HS3ST4: variants seen among roughly 807,000 people sequenced by gnomAD.
HS3ST4 encodes heparan sulfate glucosamine 3-O-sulfotransferase 4.
A neutral mutation model predicts 29.2 loss-of-function variants in HS3ST4; 17 were observed. The ratio of observed to expected loss-of-function variants is 0.58; its 90% CI spans 0.40 to 0.87. The LOEUF is 0.87. Ranked by LOEUF, HS3ST4 falls within the 40% of genes least tolerant of loss-of-function variation. The pLI is 0.00. For synonymous variants in HS3ST4, 314 were observed against 285.7 expected (o/e 1.10, Z -1.00); for missense variants, 627 against 634.5 (o/e 0.99, Z 0.13).
intron 1 of HS3ST4, among the ~76,000 whole-genome samples, chr16:26,110,995 T>G (rs1006762046): frequency 6.6e-6 from 1 of 152,046 alleles, no homozygotes; most frequent in Non-Finnish European, 1.5e-5. Flanking sequence ...CTTGTAAGGG[T>G]GTGTGTGTGT....
intron 1 of HS3ST4, among the ~76,000 whole-genome samples, chr16:26,054,462 T>C (rs1044873781): frequency 6.6e-6 from 1 of 152,356 alleles, no homozygotes; most frequent in Admixed American, 6.5e-5. Flanking sequence ...CTGTTTCCCA[T>C]GAATCCTTGT....
intron 1 of HS3ST4, among the ~76,000 whole-genome samples, chr16:25,900,767 G>A (rs191385680): frequency 8.6e-5 from 13 of 151,984 alleles, no homozygotes; most frequent in African/African-American, 1.9e-4. Context: ...CCAAACTCCC[G>A]GCACTGTAAC....
intron 1 of HS3ST4, among the ~76,000 whole-genome samples, chr16:26,091,279 C>T (rs1000164723): frequency 6.6e-6 from 1 of 152,120 alleles, no homozygotes; most frequent in African/African-American, 2.4e-5. Context: ...GGCTCTATAA[C>T]TTTAATGCAT....
chr16:26,036,002 G>A (rs1456012338), intron 1 of HS3ST4, among the ~76,000 whole-genome samples: 1 of 152,196 alleles, frequency 6.6e-6, no homozygotes, highest in Non-Finnish European at 1.5e-5. Flanking sequence ...GACAGCAGGT[G>A]TTCACTGAAA....
At chr16:26,097,646 G>A (rs1323469250) in intron 1 of HS3ST4, among the ~76,000 whole-genome samples, 1 of 152,146 alleles carries the variant, frequency 6.6e-6, no homozygotes, top group Non-Finnish European at 1.5e-5. Context: ...GCAAGCCTAG[G>A]CAATACCATT....
At chr16:26,093,588 C>T (rs1403399847) in intron 1 of HS3ST4, among the ~76,000 whole-genome samples, 1 of 152,134 alleles carries the variant, frequency 6.6e-6, no homozygotes, top group African/African-American at 2.4e-5. Context: ...AGGACATCAA[C>T]ACCAAAACCC....
chr16:26,001,274 A>G (rs1181054009), intron 1 of HS3ST4, among the ~76,000 whole-genome samples: 1 of 152,180 alleles, frequency 6.6e-6, no homozygotes, highest in African/African-American at 2.4e-5. Flanking sequence ...TTTCGGGGTA[A>G]AAGGTCATGA....
At chr16:26,044,003 T>G (rs1898235934) in intron 1 of HS3ST4, among the ~76,000 whole-genome samples, 1 of 152,188 alleles carries the variant, frequency 6.6e-6, no homozygotes, top group South Asian at 2.1e-4. Context: ...TAGCCATATT[T>G]TGCAGCATAG....
At chr16:25,802,436 C>T (rs1297551013) in intron 1 of HS3ST4, among the ~76,000 whole-genome samples, 3 of 151,916 alleles carry the variant, frequency 2.0e-5, no homozygotes, top group Non-Finnish European at 4.4e-5. Flanking sequence ...TGTTGATCTA[C>T]CTCTGTTATG....
At chr16:25,845,463 C>G (rs1013109396) in intron 1 of HS3ST4, among the ~76,000 whole-genome samples, 1 of 152,028 alleles carries the variant, frequency 6.6e-6, no homozygotes, top group Non-Finnish European at 1.5e-5. Context: ...GAGCTGAGAT[C>G]GTGCCACTGC....
Position 25,738,220 on chromosome 16 carries a change from A to C in HS3ST4, c.734+45069A>C, listed in dbSNP as rs532777612. Among the ~76,000 whole-genome samples, 37 of 152,210 alleles carry C rather than the reference A, an allele frequency of 2.4e-4. No homozygotes were observed. The South Asian group carries it at 7.0e-3, about 29-fold the overall frequency. On this transcript the variant is annotated intron_variant, in intron 1 of 1. Coordinates refer to ENST00000331351, the MANE Select transcript of HS3ST4 (RefSeq NM_006040.3). Reference sequence around the variant, plus strand: ...CGCCCAGCCGATACCTGTAGCTTCTATGCCTTGCTCATCCTCTGTCTCCTA... The same window carrying C: ...CGCCCAGCCGATACCTGTAGCTTCTCTGCCTTGCTCATCCTCTGTCTCCTA...
At chr16:25,999,897 T>TATA (rs554169337) in intron 1 of HS3ST4, among the ~76,000 whole-genome samples, 2 of 131,858 alleles carry the variant, frequency 1.5e-5, no homozygotes, top group Non-Finnish European at 3.1e-5. Flanking sequence ...TATATATATT[T>TATA]TATATATATA....
At chr16:25,711,257 G>A (rs192702204) in intron 1 of HS3ST4, among the ~76,000 whole-genome samples, 142 of 152,136 alleles carry the variant, frequency 9.3e-4, no homozygotes, top group Non-Finnish European at 1.3e-3. Flanking sequence ...CTGATTTTCC[G>A]AGCCCTGCTG....
intron 1 of HS3ST4, among the ~76,000 whole-genome samples, chr16:25,913,542 A>C (rs1371087523): frequency 6.6e-6 from 1 of 152,232 alleles, no homozygotes; most frequent in African/African-American, 2.4e-5. Flanking sequence ...GCTCCAGTGG[A>C]CTAAAGCATT....
chr16:26,097,837 G>C (rs1242600764), intron 1 of HS3ST4, among the ~76,000 whole-genome samples: 1 of 152,120 alleles, frequency 6.6e-6, no homozygotes, highest in Non-Finnish European at 1.5e-5. Flanking sequence ...CTACCCATCT[G>C]ACAAAGGCCT....
At chr16:26,013,939 C>G (rs1014550490) in intron 1 of HS3ST4, among the ~76,000 whole-genome samples, 1 of 151,918 alleles carries the variant, frequency 6.6e-6, no homozygotes, top group Non-Finnish European at 1.5e-5. Flanking sequence ...ACCTGGGAGG[C>G]AGAGGTTGCA....
intron 1 of HS3ST4, among the ~76,000 whole-genome samples, chr16:25,922,893 T>G (rs1482649186): frequency 1.3e-5 from 2 of 152,236 alleles, no homozygotes; most frequent in East Asian, 3.9e-4. Flanking sequence ...TTCCTTGGGC[T>G]GTGCGTCTCA....
At chr16:25,771,830 G>T (rs756465565) in intron 1 of HS3ST4, among the ~76,000 whole-genome samples, 1 of 152,178 alleles carries the variant, frequency 6.6e-6, no homozygotes, top group Non-Finnish European at 1.5e-5. Flanking sequence ...TAGTGCCTTG[G>T]CTGGAGGAGA....
chr16:26,013,156 CTG>C (rs942871575), intron 1 of HS3ST4, among the ~76,000 whole-genome samples: 5 of 152,146 alleles, frequency 3.3e-5, no homozygotes, highest in African/African-American at 1.2e-4. Flanking sequence ...GAGCAAGACT[CTG>C]TCAAAAATAA....
Sources: allele counts gnomAD v4.1 joint callset (sites outside exome capture counted in the v4.1 genomes callset), GRCh38; gene constraint gnomAD v4.1.1; transcripts MANE v1.5; gene names NCBI Gene and HGNC (gene_info 2026-07-23, HGNC 2026-07-21).